The following KIAA0319L variants were observed in gnomAD, a reference collection of about 807,000 sequenced individuals.
KIAA0319L encodes KIAA0319 like.
In KIAA0319L, 55 loss-of-function variants were observed where a neutral mutation model predicts 120.1. The observed-to-expected ratio is 0.46, with a 90% CI of 0.37 to 0.57. KIAA0319L has a LOEUF of 0.57. KIAA0319L is among the 20% of genes least tolerant of loss of function. The probability of loss-of-function intolerance (pLI) is 0.00; values close to 1 mark genes in which losing one functional copy is unlikely to be tolerated. For missense variants in KIAA0319L, 1,049 were observed against 1,255.3 expected, an observed-to-expected ratio of 0.84 and a Z score of 2.48; for synonymous variants, 398 against 471.9, an observed-to-expected ratio of 0.84 and a Z score of 2.03.
intron 3 of KIAA0319L, among the ~76,000 whole-genome samples, chr1:35,490,554 G>A (rs570159392): frequency 1.3e-5 from 2 of 152,116 alleles, no homozygotes; most frequent in African/African-American, 4.8e-5. Context: ...AACTGATCCA[G>A]AAATAACAGA....
At chr1:35,441,795 C>T (rs540950358) in intron 19 of KIAA0319L, among the ~76,000 whole-genome samples, 33 of 152,190 alleles carry the variant, frequency 2.2e-4, no homozygotes, top group Middle Eastern at 3.4e-3. Context: ...AAACACAGGA[C>T]GCCTGAGCCT....
intron 15 of KIAA0319L, among the ~76,000 whole-genome samples, 191 bp downstream of exon 15, chr1:35,449,676 T>C (rs1641903529): frequency 2.0e-5 from 3 of 152,204 alleles, no homozygotes; most frequent in Admixed American, 2.0e-4. Flanking sequence ...AGGTCTGTAT[T>C]TCTGCATGGG....
At chr1:35,457,458 C>G (rs1032596839) in intron 9 of KIAA0319L, among the ~76,000 whole-genome samples, 1 of 144,200 alleles carries the variant, frequency 6.9e-6, no homozygotes, top group Non-Finnish European at 1.5e-5. Context: ...TCCTACGCAA[C>G]AGTCCCACAA....
intron 9 of KIAA0319L, among the ~76,000 whole-genome samples, chr1:35,459,195 T>A (rs1486125804): frequency 6.6e-6 from 1 of 151,886 alleles, no homozygotes; most frequent in African/African-American, 2.4e-5. Flanking sequence ...ATTGAGGAGG[T>A]TCTTAAGGAT....
chr1:35,441,162 T>C, intron 19 of KIAA0319L, 24 bp from the exon 20 acceptor site: 1 of 1,604,694 alleles, frequency 6.2e-7, no homozygotes, highest in Non-Finnish European at 8.5e-7. Context: ...CCCCCACCCC[T>C]GCTCAGGAAA....
At chr1:35,525,985 T>G (rs1216930550) in intron 2 of KIAA0319L, among the ~76,000 whole-genome samples, 1 of 152,128 alleles carries the variant, frequency 6.6e-6, no homozygotes, top group Non-Finnish European at 1.5e-5. Context: ...ATTTAAGTCT[T>G]TAATCCATTT....
Position 35,434,625 on chromosome 1 carries a change from A to C in KIAA0319L, c.*269T>G. 1 of 419,728 alleles carries C rather than the reference A, an allele frequency of 2.4e-6. No individual in the cohort carries two copies. Among genetic ancestry groups the C allele is most frequent in the Admixed American group, 4.0e-5 (1 of 25,060 alleles). The allele number at this position is 419,728 out of a possible 1,614,324, so 26.0% of individuals were successfully genotyped here. A position where few individuals can be genotyped will look rare whatever the true frequency, so the allele number is the denominator to read the frequency against. On this transcript the variant is annotated 3_prime_UTR_variant, in exon 21 of 21. Transcript: ENST00000325722. ...AGCTGGCTGGGTCTGCCCTCGGGGG[A>C]GGGGAGGAGTTTGCAAAAAAAGGAG...
At chr1:35,466,720 T>C in intron 6 of KIAA0319L, 25 bp from the exon 7 acceptor site, 1 of 1,464,696 alleles carries the variant, frequency 6.8e-7, no homozygotes, top group Non-Finnish European at 9.6e-7. Context: ...GAAGATCTCT[T>C]AGACAATCAC....
chr1:35,527,152 C>T (rs1015673228), intron 2 of KIAA0319L, among the ~76,000 whole-genome samples: 10 of 149,096 alleles, frequency 6.7e-5, no homozygotes, highest in African/African-American at 2.1e-4. Context: ...GATAATCACA[C>T]GGTTTTTGTC....
chr1:35,526,390 T>TATATATATATATATATACATAC (rs1558596130), intron 2 of KIAA0319L, among the ~76,000 whole-genome samples: 3 of 79,122 alleles, frequency 3.8e-5, no homozygotes, highest in East Asian at 1.0e-3. Context: ...TATACATACA[T>TATATATATATATATATACATAC]ATATATATAT....
chr1:35,529,324 CCTTT>C (rs1646273034), intron 2 of KIAA0319L, among the ~76,000 whole-genome samples: 1 of 152,124 alleles, frequency 6.6e-6, no homozygotes, highest in Non-Finnish European at 1.5e-5. Context: ...ATCTTTTGTT[CCTTT>C]CTTATTGTTA....
At chr1:35,526,384 C>CAT (rs1299577520) in intron 2 of KIAA0319L, among the ~76,000 whole-genome samples, 7 of 110,836 alleles carry the variant, frequency 6.3e-5, no homozygotes, top group Admixed American at 1.9e-4. Flanking sequence ...TATATATATA[C>CAT]ATACATATAT....
chr1:35,482,207 C>A (rs1349604050), intron 3 of KIAA0319L, among the ~76,000 whole-genome samples: 1 of 151,912 alleles, frequency 6.6e-6, no homozygotes, highest in Non-Finnish European at 1.5e-5. Flanking sequence ...TTGAGAGGGG[C>A]AGTCTGGCTT....
At chr1:35,541,100 C>T (rs774825157) in intron 2 of KIAA0319L, among the ~76,000 whole-genome samples, 5 of 152,020 alleles carry the variant, frequency 3.3e-5, no homozygotes, top group Non-Finnish European at 7.4e-5. Context: ...CACTATCAAG[C>T]ACAGCTAACT....
intron 2 of KIAA0319L, among the ~76,000 whole-genome samples, chr1:35,543,776 G>T (rs1304179899): frequency 1.3e-5 from 2 of 152,168 alleles, no homozygotes; most frequent in East Asian, 3.8e-4. Context: ...AAGGCAGGAG[G>T]TGATTTTGTC....
rs1042978603 is a variant in KIAA0319L at position 35,474,795 on chromosome 1, G to C, written c.1015+10C>G. The C allele has an allele frequency of 2.0e-6, 3 of 1,489,630 alleles. No homozygotes were observed. Among genetic ancestry groups the C allele is most frequent in the Non-Finnish European group, 2.8e-6 (3 of 1,068,294 alleles). The allele number at this position is 1,489,630 out of a possible 1,614,324, so 92.3% of individuals were successfully genotyped here. On this transcript the variant is annotated intron_variant, in intron 5 of 20. Transcript: ENST00000325722. Reference sequence around the variant, plus strand: ...AAAAAACGGTTATCCAAATGTAAGGGGATGTTTACCTTTAGGTGGTTCTTG... The same window carrying C: ...AAAAAACGGTTATCCAAATGTAAGGCGATGTTTACCTTTAGGTGGTTCTTG...
At chr1:35,504,321 C>G (rs1033979814) in intron 3 of KIAA0319L, among the ~76,000 whole-genome samples, 1 of 152,032 alleles carries the variant, frequency 6.6e-6, no homozygotes, top group South Asian at 2.1e-4. Flanking sequence ...CTCAGCCTCC[C>G]GAGTAGCTGG....
chr1:35,440,447 G>A (rs1351972134), intron 20 of KIAA0319L: 1 of 153,306 alleles, frequency 6.5e-6, no homozygotes, highest in East Asian at 1.9e-4. Context: ...TCCATGATGA[G>A]TGAAACCCTC....
rs1368674797 is a variant in KIAA0319L at position 35,556,553 on chromosome 1, A to G, written c.-29+654T>C. 3 of 152,196 alleles carry G rather than the reference A, an allele frequency of 2.0e-5. No individual in the cohort carries two copies. The East Asian group carries it at 5.8e-4, about 29-fold the overall frequency. 9.4% of individuals were successfully genotyped at this position (152,196 alleles called of 1,614,324 possible). A position where few individuals can be genotyped will look rare whatever the true frequency, so the allele number is the denominator to read the frequency against. The stretch of plus-strand genomic sequence containing the variant: ...ATTGTTCTGGGAGGTCGTCTTTCCA[A>G]TTTGTTCCTAGTTTTCAGTCTGTTA... On this transcript the variant is annotated intron_variant, in intron 1 of 20. Transcript: ENST00000325722.
Sources: gnomAD v4.1 joint callset for allele counts (sites outside exome capture counted in the v4.1 genomes callset) on GRCh38, gnomAD v4.1.1 for gene constraint, MANE v1.5 for transcripts, NCBI Gene and HGNC (gene_info 2026-07-23, HGNC 2026-07-21) for gene names.